The following PRKCA variants were observed in gnomAD, a reference collection of about 807,000 sequenced individuals.
PRKCA encodes protein kinase C alpha type.
PRKCA carries 27 observed loss-of-function variants against 87.0 expected under a neutral mutation model. The observed-to-expected ratio is 0.31, with a 90% CI of 0.23 to 0.43. The LOEUF is 0.43. Among genes scored for constraint, PRKCA ranks in the 20% least tolerant of loss-of-function variants. The probability of loss-of-function intolerance (pLI) is 1.00; values close to 1 mark genes in which losing one functional copy is unlikely to be tolerated. For synonymous variants in PRKCA, 329 were observed against 311.1 expected, an observed-to-expected ratio of 1.06 and a Z score of -0.61; for missense variants, 518 against 852.3, an observed-to-expected ratio of 0.61 and a Z score of 4.88.
intron 2 of PRKCA, among the ~76,000 whole-genome samples, chr17:66,332,722 C>T (rs867481690): frequency 2.8e-5 from 4 of 145,080 alleles, no homozygotes; most frequent in African/African-American, 1.0e-4. Flanking sequence ...GATGGAGTCT[C>T]GCTCTGTCAC....
rs543645489 is a variant in PRKCA, at chr17:66,336,609, T to TG, written c.205+30487dup. On this transcript the variant is annotated intron_variant, in intron 2 of 16. Coordinates refer to ENST00000413366, the MANE Select transcript of PRKCA (RefSeq NM_002737.3). Reference sequence around the variant, plus strand: ...TTGGCTTAAGTTTTTTTGGTGGTGGTGGGGGAGTAATTTAAAAGTACCTGT... The same window carrying TG: ...TTGGCTTAAGTTTTTTTGGTGGTGGTGGGGGGAGTAATTTAAAAGTACCTGT... Among the ~76,000 whole-genome samples the TG allele has an allele frequency of 5.3e-3, 498 of 93,898 alleles. 5 individuals are homozygous for TG. Among genetic ancestry groups the TG allele is most frequent in the East Asian group, 0.016 (51 of 3,194 alleles). The allele number at this position is 93,898 out of a possible 152,430, so 61.6% of individuals were successfully genotyped here.
intron 2 of PRKCA, among the ~76,000 whole-genome samples, chr17:66,376,403 T>C (rs1282660932): frequency 6.6e-6 from 1 of 151,592 alleles, no homozygotes; most frequent in Non-Finnish European, 1.5e-5. Flanking sequence ...AGGTCAGGAG[T>C]TCAAGACCGG....
chr17:66,512,804 T>C (rs1467476083), intron 3 of PRKCA, among the ~76,000 whole-genome samples: 1 of 152,152 alleles, frequency 6.6e-6, no homozygotes, highest in African/African-American at 2.4e-5. Flanking sequence ...GCAATTCTCC[T>C]GCCTCAGCCT....
At position 66,317,928 on chromosome 17, in the gene PRKCA, T is replaced by C. The variant is rs182206946; in HGVS notation, c.205+11801T>C. ...TATTTTAACTTGATTCTTAAGTATT[T>C]ACAATGTAGAAAATAGCTTAAAACA... On this transcript the variant is annotated intron_variant, in intron 2 of 16. Coordinates refer to ENST00000413366, the MANE Select transcript of PRKCA (RefSeq NM_002737.3). Among the ~76,000 whole-genome samples the C allele has an allele frequency of 5.5e-4, 84 of 152,374 alleles. 1 individual carries two copies. Among genetic ancestry groups the C allele is most frequent in the South Asian group, 5.0e-3 (24 of 4,830 alleles).
chr17:66,396,421 GAATA>G (rs1319241826), intron 2 of PRKCA, among the ~76,000 whole-genome samples: 2 of 152,088 alleles, frequency 1.3e-5, no homozygotes, highest in African/African-American at 2.4e-5. Flanking sequence ...ATTTGAAAGA[GAATA>G]AATCATCCAT....
At chr17:66,386,588 G>C (rs926823442) in intron 2 of PRKCA, among the ~76,000 whole-genome samples, 1 of 152,230 alleles carries the variant, frequency 6.6e-6, no homozygotes, top group Non-Finnish European at 1.5e-5. Context: ...GACACAGTGA[G>C]TGATCAGTGA....
intron 2 of PRKCA, among the ~76,000 whole-genome samples, chr17:66,399,866 G>T (rs1261730156): frequency 1.3e-5 from 2 of 152,002 alleles, no homozygotes; most frequent in African/African-American, 4.8e-5. Context: ...GAAATGCTTG[G>T]GATCAGAAAT....
chr17:66,311,004 C>A (rs932134390), intron 2 of PRKCA, among the ~76,000 whole-genome samples: 2 of 152,164 alleles, frequency 1.3e-5, no homozygotes, highest in Admixed American at 6.5e-5. Flanking sequence ...CCGCTGCTTG[C>A]ACTGTGTGGC....
chr17:66,573,876 G>C (rs1969150203), intron 3 of PRKCA, among the ~76,000 whole-genome samples: 1 of 152,320 alleles, frequency 6.6e-6, no homozygotes, highest in South Asian at 2.1e-4. Flanking sequence ...TGTAGTCCCA[G>C]CTCCTCGGGA....
At chr17:66,329,388 G>A (rs957268175) in intron 2 of PRKCA, among the ~76,000 whole-genome samples, 14 of 152,294 alleles carry the variant, frequency 9.2e-5, no homozygotes, top group Admixed American at 5.2e-4. Context: ...GGGTGATGCC[G>A]GGAAGGCAGC....
intron 3 of PRKCA, among the ~76,000 whole-genome samples, chr17:66,627,553 G>A (rs1445335141): frequency 1.3e-5 from 2 of 152,212 alleles, no homozygotes; most frequent in Non-Finnish European, 2.9e-5. Flanking sequence ...AGACGTGGAA[G>A]GGCAGGTGCT....
At chr17:66,797,961 T>C (rs974640192) in intron 16 of PRKCA, among the ~76,000 whole-genome samples, 3 of 152,250 alleles carry the variant, frequency 2.0e-5, no homozygotes, top group African/African-American at 7.2e-5. Context: ...TTAGTGGCCA[T>C]GTGCTGTTGG....
intron 2 of PRKCA, among the ~76,000 whole-genome samples, chr17:66,440,556 G>A (rs1913678915): frequency 6.6e-6 from 1 of 152,128 alleles, no homozygotes; most frequent in African/African-American, 2.4e-5. Flanking sequence ...TAGTGACAGA[G>A]CCACAGCGGC....
intron 8 of PRKCA, among the ~76,000 whole-genome samples, chr17:66,716,786 G>A (rs148439333): frequency 2.9e-4 from 44 of 152,332 alleles, no homozygotes; most frequent in African/African-American, 5.3e-4. Flanking sequence ...GTGCCAACAC[G>A]TCAGGGTCCC....
chr17:66,533,689 T>C (rs563370058), intron 3 of PRKCA, among the ~76,000 whole-genome samples: 30 of 143,196 alleles, frequency 2.1e-4, no homozygotes, highest in African/African-American at 8.3e-4. Context: ...GAGGAGACTG[T>C]CCAGGCTGCC....
chr17:66,385,777 T>C (rs1910026370), intron 2 of PRKCA, among the ~76,000 whole-genome samples: 1 of 152,172 alleles, frequency 6.6e-6, no homozygotes, highest in African/African-American at 2.4e-5. Flanking sequence ...AATTATTTTT[T>C]TTCCGAGACG....
intron 2 of PRKCA, among the ~76,000 whole-genome samples, chr17:66,475,163 T>G (rs576373332): frequency 1.3e-4 from 20 of 152,156 alleles, no homozygotes; most frequent in Non-Finnish European, 2.8e-4. Context: ...CATTCTCTTG[T>G]TGGAAAACTT....
At chr17:66,548,247 A>G (rs1438452465) in intron 3 of PRKCA, among the ~76,000 whole-genome samples, 1 of 152,168 alleles carries the variant, frequency 6.6e-6, no homozygotes, top group African/African-American at 2.4e-5. Context: ...TACTGAGATG[A>G]TGGTGAAGGC....
At chr17:66,655,345 G>A (rs1397638137) in intron 5 of PRKCA, among the ~76,000 whole-genome samples, 2 of 152,010 alleles carry the variant, frequency 1.3e-5, no homozygotes, top group Non-Finnish European at 1.5e-5. Flanking sequence ...TCCCCTACAC[G>A]TTTGCACTCA....
Sources: allele counts gnomAD v4.1 joint callset (sites outside exome capture counted in the v4.1 genomes callset), GRCh38; gene constraint gnomAD v4.1.1; transcripts MANE v1.5; gene names NCBI Gene and HGNC (gene_info 2026-07-23, HGNC 2026-07-21).